The following ROBO1 variants were observed in gnomAD, a reference collection of about 807,000 sequenced individuals.
ROBO1 encodes roundabout homolog 1.
A neutral mutation model predicts 195.9 loss-of-function variants in ROBO1; 149 were observed. The observed-to-expected ratio is 0.76, with a 90% CI of 0.67 to 0.87. The LOEUF is 0.87. Among genes scored for constraint, ROBO1 ranks in the 40% least tolerant of loss-of-function variants. ROBO1 has a pLI of 0.00. For synonymous variants in ROBO1, 816 were observed against 733.2 expected (o/e 1.11, Z -1.82); for missense variants, 1,933 against 2,068.3 (o/e 0.93, Z 1.27).
Position 79,487,483 on chromosome 3 carries a change from G to T in ROBO1, c.88+102341C>A, listed in dbSNP as rs140115383. The stretch of plus-strand genomic sequence containing the variant: ...ACCTGCCTTGGACTCCCAAAATGCT[G>T]GGATTACAGGCAGGAACCACTGCGC... On this transcript the variant is annotated intron_variant, in intron 2 of 30. Transcript: ENST00000464233. Among the ~76,000 whole-genome samples, 51 of 152,204 alleles carry T rather than the reference G, an allele frequency of 3.4e-4. No individual in the cohort carries two copies. The East Asian group carries it at 6.4e-3, about 19-fold the overall frequency.
intron 3 of ROBO1, among the ~76,000 whole-genome samples, chr3:78,948,308 T>A (rs549405330): frequency 6.6e-6 from 1 of 152,282 alleles, no homozygotes; most frequent in East Asian, 1.9e-4. Flanking sequence ...TCAAAAAGCT[T>A]ATCCACCATG....
intron 2 of ROBO1, among the ~76,000 whole-genome samples, chr3:79,503,731 C>G (rs572127138): frequency 3.3e-5 from 5 of 152,132 alleles, no homozygotes; most frequent in Non-Finnish European, 5.9e-5. Context: ...TTTCAGTCTA[C>G]TATATAAAAT....
At chr3:78,899,706 T>C (rs2037468203) in intron 4 of ROBO1, among the ~76,000 whole-genome samples, 1 of 152,186 alleles carries the variant, frequency 6.6e-6, no homozygotes, top group African/African-American at 2.4e-5. Flanking sequence ...ACACAAGTGA[T>C]AGCATATATT....
At chr3:79,666,555 T>G (rs898624515) in intron 1 of ROBO1, among the ~76,000 whole-genome samples, 3 of 151,876 alleles carry the variant, frequency 2.0e-5, no homozygotes, top group African/African-American at 7.2e-5. Context: ...CCTCATACTG[T>G]TCTTGTGGTA....
At chr3:79,336,397 C>G (rs997829423) in intron 2 of ROBO1, among the ~76,000 whole-genome samples, 11 of 152,210 alleles carry the variant, frequency 7.2e-5, no homozygotes, top group Admixed American at 1.3e-4. Flanking sequence ...GCTTCAGCTC[C>G]AGCTGTGGCT....
intron 28 of ROBO1, among the ~76,000 whole-genome samples, chr3:78,613,005 G>T (rs529812963): frequency 6.6e-6 from 1 of 152,244 alleles, no homozygotes; most frequent in Admixed American, 6.5e-5. Flanking sequence ...GGATTAGTTA[G>T]AATTATATTT....
chr3:79,380,259 T>C (rs543721971), intron 2 of ROBO1, among the ~76,000 whole-genome samples: 58 of 152,302 alleles, frequency 3.8e-4, no homozygotes, highest in African/African-American at 1.2e-3. Context: ...ATTGTCATTT[T>C]TCTTTGTAAA....
At chr3:78,966,442 A>G (rs1236656541) in intron 3 of ROBO1, among the ~76,000 whole-genome samples, 1 of 152,182 alleles carries the variant, frequency 6.6e-6, no homozygotes, top group Non-Finnish European at 1.5e-5. Flanking sequence ...AGAGGTCGGG[A>G]CTGCTAATAA....
chr3:78,693,219 G>C, intron 8 of ROBO1: 1 of 1,242,300 alleles, frequency 8.0e-7, no homozygotes, highest in Non-Finnish European at 1.1e-6. Context: ...TGTCTTTGTG[G>C]CCAATGACAA....
In ROBO1 at chr3:79,725,776, T is replaced by C. The variant is rs146345618; in HGVS notation, c.-51+41976A>G. Among the ~76,000 whole-genome samples, 574 of 152,300 alleles carry C rather than the reference T, an allele frequency of 3.8e-3. 6 individuals carry two copies. The highest frequency in any genetic ancestry group is 0.031 in the Middle Eastern group (9 of 294). On this transcript the variant is annotated intron_variant, in intron 1 of 30. Transcript: ENST00000464233. ...GCTAAAAGCATCTTTACTGATAAGCTTGCTAAAATATATGACTTTTAACTG... is the reference window on the plus strand; with the variant it reads ...GCTAAAAGCATCTTTACTGATAAGCCTGCTAAAATATATGACTTTTAACTG...
chr3:79,260,692 C>A (rs891084321), intron 2 of ROBO1, among the ~76,000 whole-genome samples: 1 of 152,046 alleles, frequency 6.6e-6, no homozygotes, highest in Non-Finnish European at 1.5e-5. Context: ...GATGAGTCTG[C>A]CACTTGAGCA....
chr3:79,151,842 C>T (rs1254511030), intron 2 of ROBO1, among the ~76,000 whole-genome samples: 1 of 151,822 alleles, frequency 6.6e-6, no homozygotes, highest in Admixed American at 6.6e-5. Flanking sequence ...CTCTGCTGAA[C>T]TGGCTCCTGC....
intron 3 of ROBO1, among the ~76,000 whole-genome samples, chr3:79,117,380 C>CA (rs1006297506): frequency 0.029 from 4,116 of 140,188 alleles, 175 homozygotes; most frequent in African/African-American, 0.096. Context: ...AAAACAAAAA[C>CA]AAAAAAAAAA....
chr3:79,730,307 G>A (rs1703090812), intron 1 of ROBO1, among the ~76,000 whole-genome samples: 1 of 152,234 alleles, frequency 6.6e-6, no homozygotes, highest in South Asian at 2.1e-4. Context: ...AATATTAAGA[G>A]TGATAAGAAT....
At chr3:79,636,868 G>A (rs376414073) in intron 1 of ROBO1, among the ~76,000 whole-genome samples, 7 of 152,046 alleles carry the variant, frequency 4.6e-5, no homozygotes, top group South Asian at 4.1e-4. Flanking sequence ...ATAAAAAGCC[G>A]AACTATGAAG....
intron 2 of ROBO1, among the ~76,000 whole-genome samples, chr3:79,459,273 A>C (rs1458495135): frequency 6.6e-6 from 1 of 152,140 alleles, no homozygotes; most frequent in Non-Finnish European, 1.5e-5. Flanking sequence ...TAATCAATCA[A>C]TTGATAGGTA....
At chr3:79,707,365 T>A (rs1947804694) in intron 1 of ROBO1, among the ~76,000 whole-genome samples, 1 of 152,188 alleles carries the variant, frequency 6.6e-6, no homozygotes, top group South Asian at 2.1e-4. Context: ...TTTATGACAC[T>A]ATTAACCCTT....
chr3:79,541,811 A>G (rs906649005), intron 2 of ROBO1, among the ~76,000 whole-genome samples: 1 of 146,972 alleles, frequency 6.8e-6, no homozygotes, highest in Non-Finnish European at 1.5e-5. Context: ...GTGTATATAT[A>G]TGTGTGTGTG....
chr3:79,631,248 G>A (rs79108922), intron 1 of ROBO1, among the ~76,000 whole-genome samples: 1,757 of 151,664 alleles, frequency 0.012, 29 homozygotes, highest in African/African-American at 0.04. Context: ...TTTTGAGGCT[G>A]TAGTAACGAA....
Sources: gnomAD v4.1 joint callset for allele counts (sites outside exome capture counted in the v4.1 genomes callset) on GRCh38, gnomAD v4.1.1 for gene constraint, MANE v1.5 for transcripts, NCBI Gene and HGNC (gene_info 2026-07-23, HGNC 2026-07-21) for gene names.